The following ZC3H15 variants were observed in gnomAD, a reference collection of about 807,000 sequenced individuals.
The protein encoded by ZC3H15 is zinc finger CCCH-type containing 15.
Under a neutral mutation model 51.2 loss-of-function variants are expected in ZC3H15, and 15 were observed. The observed-to-expected ratio is 0.29, with a 90% CI of 0.20 to 0.45. The LOEUF is 0.45. ZC3H15 is among the 20% of genes least tolerant of loss of function. The probability of loss-of-function intolerance (pLI) is 1.00; values close to 1 mark genes in which losing one functional copy is unlikely to be tolerated. For missense variants in ZC3H15, 381 were observed against 494.7 expected (o/e 0.77, Z 2.18); for synonymous variants, 144 against 162.8 (o/e 0.88, Z 0.88).
At chr2:186,497,654 A>G (rs1460644784) in intron 2 of ZC3H15, among the ~76,000 whole-genome samples, 1 of 152,220 alleles carries the variant, frequency 6.6e-6, no homozygotes, top group Admixed American at 6.5e-5. Context: ...ATATGTAAGA[A>G]GAACTCACTT....
Position 186,500,269 on chromosome 2 carries a change from G to A in ZC3H15, c.265G>A (p.Val89Ile), listed in dbSNP as rs774283204. Residue 89 changes from valine to isoleucine, a missense_variant, in exon 3 of 10, where the codon GTT becomes ATT. Around this residue, in one of 3 missense-constraint regions of ZC3H15, gnomAD observed 125 missense variants for 166.3 expected, o/e 0.75. Coordinates refer to ENST00000337859, the MANE Select transcript of ZC3H15 (RefSeq NM_018471.3). ...QELNELFKPV[V>I]AAQKISKGAD... ...GCTAAATGAGCTGTTCAAACCTGTA[G>A]TTGCTGCTCAAAAAATAAGTAAAGG... The A allele has an allele frequency of 1.2e-6, 2 of 1,607,672 alleles. No individual in the cohort carries two copies. The highest frequency in any genetic ancestry group is 4.5e-5 in the East Asian group (2 of 44,790).
rs2305408 is a variant in ZC3H15 at position 186,505,415 on chromosome 2, T to G, written c.718-36T>G. On this transcript the variant is annotated intron_variant, in intron 6 of 9. Coordinates refer to ENST00000337859, the MANE Select transcript of ZC3H15 (RefSeq NM_018471.3). Reference sequence around the variant, plus strand: ...GCAACTAAGCACTATTTGAGGTGACTTCTGTGGAAAAAAAATTAATTCTTT... The same window carrying G: ...GCAACTAAGCACTATTTGAGGTGACGTCTGTGGAAAAAAAATTAATTCTTT... 743 of 1,512,686 alleles carry G rather than the reference T, an allele frequency of 4.9e-4. 11 individuals are homozygous for G. The East Asian group carries it at 0.015, about 30-fold the overall frequency. 93.7% of individuals were successfully genotyped at this position (1,512,686 alleles called of 1,614,324 possible). A position where few individuals can be genotyped will look rare whatever the true frequency, so the allele number is the denominator to read the frequency against.
At chr2:186,503,334 C>T (rs754795364) in intron 5 of ZC3H15, among the ~76,000 whole-genome samples, 68 of 152,232 alleles carry the variant, frequency 4.5e-4, no homozygotes, top group Non-Finnish European at 9.0e-4. Flanking sequence ...GCTTGTGATT[C>T]ATTTTTATTT....
At chr2:186,506,209 G>T in intron 8 of ZC3H15, 1 of 337,134 alleles carries the variant, frequency 3.0e-6, no homozygotes, top group South Asian at 2.7e-5. Context: ...TGGGACAAGT[G>T]CACTAATTTA....
At chr2:186,499,696 T>C (rs1209732218) in intron 2 of ZC3H15, 4 of 404,766 alleles carry the variant, frequency 9.9e-6, no homozygotes, top group Non-Finnish European at 1.9e-5. Context: ...CTATGTTATA[T>C]GTCATGTTTT....
In ZC3H15 at chr2:186,504,187, T is replaced by G; in HGVS notation, c.690T>G (p.Ile230Met). Reference protein sequence around the residue: ...DKKKEEKEDEISLEDLIERER... With the variant: ...DKKKEEKEDEMSLEDLIERER... Reference sequence around the variant, plus strand: ...AGAAAGAAGAGAAAGAAGATGAAATTTCATTAGAAGATCTAATTGAGAGAG... The same window carrying G: ...AGAAAGAAGAGAAAGAAGATGAAATGTCATTAGAAGATCTAATTGAGAGAG... Residue 230 changes from isoleucine to methionine, a missense_variant, in exon 6 of 10, where the codon ATT becomes ATG. Transcript: ENST00000337859. The G allele has an allele frequency of 1.2e-6, 2 of 1,600,366 alleles. No homozygotes were observed. Among genetic ancestry groups the G allele is most frequent in the Non-Finnish European group, 8.5e-7 (1 of 1,172,996 alleles).
At chr2:186,487,942 T>G (rs1195056278) in intron 1 of ZC3H15, among the ~76,000 whole-genome samples, 1 of 152,208 alleles carries the variant, frequency 6.6e-6, no homozygotes, top group Non-Finnish European at 1.5e-5. Flanking sequence ...GTTTATAGTA[T>G]CCATCAACTT....
At position 186,500,256 on chromosome 2, in the gene ZC3H15, G is replaced by A; in HGVS notation, c.252G>A (p.Leu84=). 4 of 1,610,626 alleles carry A rather than the reference G, an allele frequency of 2.5e-6. No individual in the cohort carries two copies. The highest frequency in any genetic ancestry group is 3.4e-6 in the Non-Finnish European group (4 of 1,179,188). ...AAGAATTGCAGGAGCTAAATGAGCT[G>A]TTCAAACCTGTAGTTGCTGCTCAAA... ...KKKELQELNE[L]FKPVVAAQKI... is the part of the protein sequence containing the mutation. The change falls in exon 3 of 10, where the codon CTG becomes CTA. Residue 84 remains leucine (L), a synonymous_variant. Coordinates refer to ENST00000337859, the MANE Select transcript of ZC3H15 (RefSeq NM_018471.3).
In ZC3H15 at chr2:186,495,109, G is replaced by A. The variant is rs529738703; in HGVS notation, c.76-124G>A. On this transcript the variant is annotated intron_variant, in intron 1 of 9. Transcript: ENST00000337859. Reference sequence around the variant, plus strand: ...ATATTGCCTTGACTTGATGTTTAGTGTTTTGCATGTTTTTATATTAGTAAA... The same window carrying A: ...ATATTGCCTTGACTTGATGTTTAGTATTTTGCATGTTTTTATATTAGTAAA... The A allele has an allele frequency of 6.8e-5, 38 of 561,822 alleles. No homozygotes were observed. The African/African-American group carries it at 7.2e-4, about 11-fold the overall frequency. The allele number at this position is 561,822 out of a possible 1,614,324, so 34.8% of individuals were successfully genotyped here.
chr2:186,505,401 C>T, intron 6 of ZC3H15, 50 bp from the exon 7 acceptor site: 1 of 1,506,324 alleles, frequency 6.6e-7, no homozygotes, highest in South Asian at 1.4e-5. Flanking sequence ...CAACTAAGCA[C>T]TATTTGAGGT....
chr2:186,508,858 T>A lies in ZC3H15; in HGVS notation c.*125T>A. The A allele has an allele frequency of 9.0e-7, 1 of 1,109,700 alleles. No homozygotes were observed. The highest frequency in any genetic ancestry group is 2.6e-5 in the East Asian group (1 of 38,784). The allele number at this position is 1,109,700 out of a possible 1,614,324, so 68.7% of individuals were successfully genotyped here. A position where few individuals can be genotyped will look rare whatever the true frequency, so the allele number is the denominator to read the frequency against. On this transcript the variant is annotated 3_prime_UTR_variant, in exon 10 of 10. Coordinates refer to ENST00000337859, the MANE Select transcript of ZC3H15 (RefSeq NM_018471.3). ...TATGCTGATTCTGGAGGAGTTAACC[T>A]CCTGCAAAAAAGGCATCTTGTCCCT...
At chr2:186,499,685 A>C (rs1026549420) in intron 2 of ZC3H15, 1 of 425,814 alleles carries the variant, frequency 2.3e-6, no homozygotes, top group Middle Eastern at 3.5e-4. Flanking sequence ...TGTGCCTGGA[A>C]CTATGTTATA....
Position 186,501,184 on chromosome 2 carries a change from G to A in ZC3H15, c.290-89G>A, listed in dbSNP as rs375827538. Reference sequence around the variant, plus strand: ...TCTCACATCAGTGAATGGAAAATAAGTTAACCAAAATTCATCATATTTCAG... The same window carrying A: ...TCTCACATCAGTGAATGGAAAATAAATTAACCAAAATTCATCATATTTCAG... On this transcript the variant is annotated intron_variant, in intron 3 of 9. Coordinates refer to ENST00000337859, the MANE Select transcript of ZC3H15 (RefSeq NM_018471.3). The A allele has an allele frequency of 9.9e-5, 138 of 1,390,918 alleles. No individual in the cohort carries two copies. In the Middle Eastern group the frequency reaches 1.0e-3, roughly 10 times the overall value. The allele number at this position is 1,390,918 out of a possible 1,614,324, so 86.2% of individuals were successfully genotyped here. A position where few individuals can be genotyped will look rare whatever the true frequency, so the allele number is the denominator to read the frequency against.
intron 2 of ZC3H15, chr2:186,497,004 C>A: frequency 3.0e-6 from 1 of 332,112 alleles, no homozygotes. Context: ...TTTATTCTTT[C>A]ATACGAATTT....
chr2:186,487,642 T>C (rs900493160), intron 1 of ZC3H15, among the ~76,000 whole-genome samples: 1 of 152,240 alleles, frequency 6.6e-6, no homozygotes, highest in Admixed American at 6.5e-5. Flanking sequence ...ATCTGTGTTT[T>C]CTATTACCTT....
intron 9 of ZC3H15, among the ~76,000 whole-genome samples, 151 bp from the exon 10 acceptor site, chr2:186,508,390 GAA>G: frequency 6.6e-6 from 1 of 152,306 alleles, no homozygotes; most frequent in Non-Finnish European, 1.5e-5. Context: ...GCTCAGAAAA[GAA>G]TGATCAGTTC....
chr2:186,507,853 C>CTATAT lies in ZC3H15; in HGVS notation c.1091-690_1091-689insTATAT, dbSNP rs1309333762. Among the ~76,000 whole-genome samples, 5 of 152,192 alleles carry CTATAT rather than the reference C, an allele frequency of 3.3e-5. No individual in the cohort carries two copies. The East Asian group carries it at 5.8e-4, about 18-fold the overall frequency. ...TTTGTAGAAGTAGGGGCTTTGGTGA[C>CTATAT]AATAGGCACAACTGCAAATAATTCA... On this transcript the variant is annotated intron_variant, in intron 9 of 9. Coordinates refer to ENST00000337859, the MANE Select transcript of ZC3H15 (RefSeq NM_018471.3).
chr2:186,508,304 A>G (rs1254460257), intron 9 of ZC3H15, among the ~76,000 whole-genome samples: 1 of 152,214 alleles, frequency 6.6e-6, no homozygotes, highest in Non-Finnish European at 1.5e-5. Context: ...CCTCAAATGT[A>G]TAAACCATTA....
chr2:186,504,952 A>C (rs950071697), intron 6 of ZC3H15: 4 of 152,162 alleles, frequency 2.6e-5, no homozygotes, highest in African/African-American at 9.7e-5. Context: ...TTGTTCACCT[A>C]TTTGTGGGGA....
Sources: gnomAD v4.1 joint callset for allele counts (sites outside exome capture counted in the v4.1 genomes callset) on GRCh38, gnomAD v4.1.1 for gene constraint, gnomAD v4.1.1 regional missense constraint, MANE v1.5 for transcripts, NCBI Gene and HGNC (gene_info 2026-07-23, HGNC 2026-07-21) for gene names.